PSMF1: variants seen among roughly 807,000 people sequenced by gnomAD.
The protein encoded by PSMF1 is proteasome inhibitor subunit 1.
In PSMF1, 30 loss-of-function variants were observed where a neutral mutation model predicts 29.3. That is an observed-to-expected ratio of 1.02 (90% CI 0.77 to 1.39). PSMF1 has a LOEUF of 1.39. Among genes scored for constraint, PSMF1 ranks in the 40% most tolerant of loss-of-function variants. PSMF1 has a pLI of 0.00. For missense variants in PSMF1, 344 were observed against 357.5 expected (o/e 0.96, Z 0.31); for synonymous variants, 134 against 139.7 (o/e 0.96, Z 0.29).
In PSMF1 at chr20:1,128,863, C is replaced by T. The variant is rs146706741; in HGVS notation, c.365+1355C>T. 5.9e-3 allele frequency among the ~76,000 whole-genome samples: 902 copies of T among 152,040 alleles called. 4 individuals carry two copies. The highest frequency in any genetic ancestry group is 0.054 in the Middle Eastern group (16 of 294). Reference sequence around the variant, plus strand: ...TACAGGTGTGCACCACCACACCCAGCTAATTTTTGCGTTTTTTTGTTTTGT... The same window carrying T: ...TACAGGTGTGCACCACCACACCCAGTTAATTTTTGCGTTTTTTTGTTTTGT... On this transcript the variant is annotated intron_variant, in intron 3 of 6. Coordinates refer to ENST00000335877, the MANE Select transcript of PSMF1 (RefSeq NM_006814.5).
At chr20:1,147,776 A>C (rs1029357521) in intron 4 of PSMF1, among the ~76,000 whole-genome samples, 2 of 152,042 alleles carry the variant, frequency 1.3e-5, no homozygotes, top group African/African-American at 4.8e-5. Context: ...TTTCTTTACT[A>C]TAGCTCCCAT....
chr20:1,132,462 A>G (rs11908561), intron 3 of PSMF1, among the ~76,000 whole-genome samples: 24,825 of 151,754 alleles, frequency 0.16, 2,500 homozygotes, highest in East Asian at 0.52. Flanking sequence ...TTTTTAGTAG[A>G]GACGGGGTTT....
At chr20:1,116,553 T>C (rs961711475), upstream of PSMF1, among the ~76,000 whole-genome samples, 1 of 152,100 alleles carries the variant, frequency 6.6e-6, no homozygotes, top group Non-Finnish European at 1.5e-5. Context: ...GAGGTAAGAG[T>C]GCCCTGACTG....
intron 3 of PSMF1, among the ~76,000 whole-genome samples, chr20:1,130,824 G>T (rs2086219288): frequency 6.6e-6 from 1 of 152,124 alleles, no homozygotes; most frequent in South Asian, 2.1e-4. Flanking sequence ...TTTATTTTTT[G>T]TAGAGATGAG....
At chr20:1,158,338 A>G (rs931624918) in intron 4 of PSMF1, among the ~76,000 whole-genome samples, 1 of 152,198 alleles carries the variant, frequency 6.6e-6, no homozygotes, top group Non-Finnish European at 1.5e-5. Context: ...TTCACCTGCA[A>G]TGCTACATTT....
At chr20:1,161,349 G>A (rs1010021002) in intron 4 of PSMF1, 6 of 340,228 alleles carry the variant, frequency 1.8e-5, no homozygotes, top group South Asian at 4.8e-5. Context: ...GTGTTTGGAG[G>A]TGTTGTTCCA....
At chr20:1,151,321 G>C (rs1033405009) in intron 4 of PSMF1, among the ~76,000 whole-genome samples, 2 of 152,204 alleles carry the variant, frequency 1.3e-5, no homozygotes, top group African/African-American at 4.8e-5. Flanking sequence ...TGTACAGTAA[G>C]TAACTTCACA....
chr20:1,127,754 T>A (rs892811250), intron 3 of PSMF1, among the ~76,000 whole-genome samples: 2 of 152,054 alleles, frequency 1.3e-5, no homozygotes, highest in Non-Finnish European at 2.9e-5. Context: ...GGCTGCAGAG[T>A]AGAGGTGGAG....
intron 4 of PSMF1, among the ~76,000 whole-genome samples, chr20:1,139,935 A>G (rs1241707298): frequency 6.6e-6 from 1 of 152,200 alleles, no homozygotes; most frequent in Non-Finnish European, 1.5e-5. Context: ...AAAACTGTAA[A>G]ACATTGTTGA....
intron 4 of PSMF1, among the ~76,000 whole-genome samples, chr20:1,152,160 C>A (rs990343289): frequency 1.2e-4 from 19 of 152,048 alleles, no homozygotes; most frequent in African/African-American, 4.1e-4. Context: ...TTACTGTGGG[C>A]TGAGCAGTTA....
In PSMF1 at chr20:1,171,944, G is replaced by A. The variant is rs1182189619; in HGVS notation, c.*6864G>A. Among the ~76,000 whole-genome samples the A allele has an allele frequency of 1.3e-5, 2 of 152,228 alleles. No individual in the cohort carries two copies. The highest frequency in any genetic ancestry group is 2.9e-5 in the Non-Finnish European group (2 of 68,046). On this transcript the variant is annotated 3_prime_UTR_variant, in exon 7 of 7. Transcript: ENST00000335877. ...TGAGAAGCATGTGAAGAGAGGGATG[G>A]CCCAGGGGCCCTTGGCCATGGTGGC...
At chr20:1,127,117 A>G (rs1312138566) in intron 2 of PSMF1, among the ~76,000 whole-genome samples, 1 of 152,134 alleles carries the variant, frequency 6.6e-6, no homozygotes, top group Non-Finnish European at 1.5e-5. Context: ...CTGGGTCTGC[A>G]TCTCCGTGTT....
At chr20:1,127,314 G>A (rs748340607) in intron 2 of PSMF1, 112 bp from the exon 3 acceptor site, 1 of 844,586 alleles carries the variant, frequency 1.2e-6, no homozygotes, top group South Asian at 1.3e-5. Context: ...ATATGTCTCT[G>A]TGGACATATG....
chr20:1,126,354 C>A (rs958730152), intron 2 of PSMF1, among the ~76,000 whole-genome samples: 2 of 152,162 alleles, frequency 1.3e-5, no homozygotes, highest in Non-Finnish European at 1.5e-5. Flanking sequence ...ATGTATTATA[C>A]TGCACTTTGC....
upstream of PSMF1, among the ~76,000 whole-genome samples, chr20:1,115,842 C>A (rs2086006109): frequency 6.6e-6 from 1 of 151,528 alleles, no homozygotes; most frequent in Admixed American, 6.6e-5. Flanking sequence ...AAGCGATTCT[C>A]CTGCCTCAGC....
rs1185015040 is a variant in PSMF1, at chr20:1,127,435, T to C, written c.292T>C (p.Ser98Pro). The stretch of plus-strand genomic sequence containing the variant: ...ATTTTCACCCATCTAGGAATATGGC[T>C]CACAGCAAGTGGCAGACTTGACCCT... ...SMILNVLEYG[S>P]QQVADLTLNL... Residue 98 changes from serine to proline, a missense_variant, in exon 3 of 7, where the codon TCA becomes CCA. Physicochemically the swap from Ser to Pro is moderately conservative, Grantham distance 74. Transcript: ENST00000335877. The C allele has an allele frequency of 6.2e-6, 10 of 1,603,392 alleles. No homozygotes were observed. Among genetic ancestry groups the C allele is most frequent in the Non-Finnish European group, 8.5e-6 (10 of 1,170,176 alleles).
intron 4 of PSMF1, among the ~76,000 whole-genome samples, chr20:1,150,493 G>T (rs936493814): frequency 6.6e-6 from 1 of 151,958 alleles, no homozygotes; most frequent in Non-Finnish European, 1.5e-5. Flanking sequence ...TTGACCTCAT[G>T]GGACAGGAGT....
intron 4 of PSMF1, among the ~76,000 whole-genome samples, chr20:1,159,199 T>A (rs898576644): frequency 5.9e-5 from 9 of 152,146 alleles, no homozygotes; most frequent in Non-Finnish European, 1.3e-4. Context: ...TTTTTAAAAA[T>A]TTTTTATATT....
At chr20:1,125,250 T>C (rs1407649650) in intron 1 of PSMF1, among the ~76,000 whole-genome samples, 1 of 152,164 alleles carries the variant, frequency 6.6e-6, no homozygotes, top group East Asian at 1.9e-4. Flanking sequence ...CACTGCAGAT[T>C]CTTGACAGGT....
Sources: allele counts gnomAD v4.1 joint callset (sites outside exome capture counted in the v4.1 genomes callset), GRCh38; gene constraint gnomAD v4.1.1; transcripts MANE v1.5; gene names NCBI Gene and HGNC (gene_info 2026-07-23, HGNC 2026-07-21).